The following MACROD2 variants were observed in gnomAD, a reference collection of about 807,000 sequenced individuals.
The protein encoded by MACROD2 is ADP-ribose glycohydrolase MACROD2.
MACROD2 carries 36 observed loss-of-function variants against 70.4 expected under a neutral mutation model. The observed-to-expected ratio is 0.51, with a 90% CI of 0.39 to 0.68. MACROD2 has a LOEUF of 0.68. MACROD2 is among the 30% of genes least tolerant of loss of function. The pLI, the probability that MACROD2 is intolerant of heterozygous loss-of-function variation, is 0.00. For synonymous variants in MACROD2, 172 were observed against 178.8 expected (o/e 0.96, Z 0.30); for missense variants, 496 against 538.4 (o/e 0.92, Z 0.78).
chr20:15,765,272 G>A (rs1392110858), intron 8 of MACROD2, among the ~76,000 whole-genome samples: 1 of 152,034 alleles, frequency 6.6e-6, no homozygotes, highest in East Asian at 1.9e-4. Context: ...CAAACAAAAC[G>A]GCCTCTGCTG....
chr20:15,479,001 CAG>C (rs1295102877), intron 7 of MACROD2, among the ~76,000 whole-genome samples: 14 of 152,322 alleles, frequency 9.2e-5, no homozygotes, highest in Admixed American at 8.5e-4. Context: ...TGATGTCAAA[CAG>C]AGATTTCATG....
chr20:15,658,221 CTCTCT>C (rs1310241431), intron 8 of MACROD2, among the ~76,000 whole-genome samples: 2 of 136,872 alleles, frequency 1.5e-5, no homozygotes, highest in African/African-American at 6.4e-5. Flanking sequence ...TTTTCTCTCT[CTCTCT>C]TTTTTTTTTT....
intron 6 of MACROD2, among the ~76,000 whole-genome samples, chr20:15,401,460 T>G (rs914667121): frequency 1.3e-5 from 2 of 152,176 alleles, no homozygotes; most frequent in Non-Finnish European, 2.9e-5. Context: ...ACAAGGGCCC[T>G]TATTCCACTA....
chr20:15,472,542 A>G (rs2046975187), intron 7 of MACROD2, among the ~76,000 whole-genome samples: 1 of 151,992 alleles, frequency 6.6e-6, no homozygotes, highest in Admixed American at 6.6e-5. Flanking sequence ...TCTATTAATA[A>G]CACCATTATT....
chr20:15,694,010 C>T (rs1202533645), intron 8 of MACROD2, among the ~76,000 whole-genome samples: 1 of 152,150 alleles, frequency 6.6e-6, no homozygotes, highest in East Asian at 1.9e-4. Flanking sequence ...ATAATAGTCT[C>T]CAATCTCATC....
chr20:14,743,710 A>G (rs879534194), intron 5 of MACROD2, among the ~76,000 whole-genome samples: 16 of 152,228 alleles, frequency 1.1e-4, no homozygotes, highest in Non-Finnish European at 2.2e-4. Context: ...AGGTTGAATA[A>G]TGTCCTTCCA....
chr20:15,538,246 C>G (rs1307705881), intron 8 of MACROD2, among the ~76,000 whole-genome samples: 1 of 152,124 alleles, frequency 6.6e-6, no homozygotes. Flanking sequence ...ATGTACATGT[C>G]AGATACTGGG....
intron 8 of MACROD2, among the ~76,000 whole-genome samples, chr20:15,711,569 C>T (rs1407141457): frequency 6.6e-6 from 1 of 152,222 alleles, no homozygotes; most frequent in African/African-American, 2.4e-5. Flanking sequence ...ATTGCCAGCA[C>T]ATCCCAGTAA....
At chr20:15,557,801 A>G (rs550420889) in intron 8 of MACROD2, among the ~76,000 whole-genome samples, 3 of 152,102 alleles carry the variant, frequency 2.0e-5, no homozygotes, top group Non-Finnish European at 2.9e-5. Flanking sequence ...TCTCTGAGCT[A>G]TTTGTTTGTC....
chr20:14,289,905 A>T, intron 3 of MACROD2, among the ~76,000 whole-genome samples: 1 of 152,250 alleles, frequency 6.6e-6, no homozygotes, highest in Non-Finnish European at 1.5e-5. Context: ...CTAAACAAAT[A>T]ATAATTTATT....
At chr20:15,409,079 TAGAA>T (rs2046042534) in intron 6 of MACROD2, among the ~76,000 whole-genome samples, 1 of 152,194 alleles carries the variant, frequency 6.6e-6, no homozygotes, top group Non-Finnish European at 1.5e-5. Flanking sequence ...TTATTATTAT[TAGAA>T]AGCTCCCATG....
At chr20:15,252,403 A>G (rs558117115) in intron 6 of MACROD2, among the ~76,000 whole-genome samples, 3 of 152,306 alleles carry the variant, frequency 2.0e-5, no homozygotes, top group African/African-American at 7.2e-5. Context: ...CTAGATGTCC[A>G]TAGAGGCAGC....
At chr20:14,598,373 C>T (rs191243851) in intron 4 of MACROD2, among the ~76,000 whole-genome samples, 120 of 151,578 alleles carry the variant, frequency 7.9e-4, no homozygotes, top group South Asian at 3.3e-3. Flanking sequence ...TTTAATTGAC[C>T]TTCATTATGA....
chr20:15,029,900 GC>G (rs983484487), intron 5 of MACROD2, among the ~76,000 whole-genome samples: 1 of 151,940 alleles, frequency 6.6e-6, no homozygotes, highest in Admixed American at 6.6e-5. Context: ...GACCATCCTG[GC>G]CAACATAGTG....
At chr20:15,021,545 T>C (rs572702423) in intron 5 of MACROD2, 3 of 151,502 alleles carry the variant, frequency 2.0e-5, no homozygotes, top group Non-Finnish European at 4.4e-5. Context: ...TGTATATATA[T>C]GTGTATTTTT....
intron 6 of MACROD2, among the ~76,000 whole-genome samples, chr20:15,385,603 G>A (rs2045702389): frequency 6.6e-6 from 1 of 152,118 alleles, no homozygotes; most frequent in Admixed American, 6.6e-5. Context: ...GTGTCCTCTT[G>A]AGAATGGATA....
chr20:14,851,114 G>C (rs1174047628), intron 5 of MACROD2, among the ~76,000 whole-genome samples: 2 of 152,094 alleles, frequency 1.3e-5, no homozygotes, highest in African/African-American at 4.8e-5. Flanking sequence ...AATACACAAA[G>C]TAAGTTGTCA....
intron 10 of MACROD2, among the ~76,000 whole-genome samples, chr20:15,909,554 C>T (rs1227750947): frequency 1.8e-5 from 2 of 113,416 alleles, no homozygotes; most frequent in East Asian, 5.8e-4. Flanking sequence ...GACGGAGTCT[C>T]TCTCTGTCGC....
chr20:14,599,437 G>A (rs973132906), intron 4 of MACROD2, among the ~76,000 whole-genome samples: 28 of 152,142 alleles, frequency 1.8e-4, no homozygotes, highest in African/African-American at 5.8e-4. Context: ...AAGGATATCC[G>A]GGTAGTCAAG....
Sources: gnomAD v4.1 joint callset for allele counts (sites outside exome capture counted in the v4.1 genomes callset) on GRCh38, gnomAD v4.1.1 for gene constraint, MANE v1.5 for transcripts, NCBI Gene and HGNC (gene_info 2026-07-23, HGNC 2026-07-21) for gene names.